The following SRGN variants were observed in gnomAD, a reference collection of about 807,000 sequenced individuals.
SRGN encodes the protein hematopoetic proteoglycan core peptide.
In SRGN, 2 loss-of-function variants were observed where a neutral mutation model predicts 9.5. That is an observed-to-expected ratio of 0.21 (90% CI 0.09 to 0.66). SRGN has a LOEUF of 0.66. Among genes scored for constraint, SRGN ranks in the 30% least tolerant of loss-of-function variants. The pLI is 0.83. For synonymous variants in SRGN, 59 were observed against 72.3 expected (o/e 0.82, Z 0.93); for missense variants, 170 against 192.4 (o/e 0.88, Z 0.69).
intron 2 of SRGN, among the ~76,000 whole-genome samples, chr10:69,102,127 C>A (rs1840305497): frequency 6.6e-6 from 1 of 152,098 alleles, no homozygotes; most frequent in South Asian, 2.1e-4. Flanking sequence ...TATCCTGTTT[C>A]TTCCTACTTC....
At chr10:69,097,261 T>G (rs368459098) in intron 2 of SRGN, 30 bp downstream of exon 2, 3 of 1,557,240 alleles carry the variant, frequency 1.9e-6, no homozygotes, top group African/African-American at 2.8e-5. Context: ...ATTAATTAAT[T>G]AATTACTTAT....
rs1375032924 is a variant in SRGN at position 69,098,477 on chromosome 10, GT to G, written c.227+1247del. Reference sequence around the variant, plus strand: ...GGTATGAGGGTTTTTTTTGGAGGAGGTGATTAAAATGTTCTTCTGCCAGGTG... The same window carrying G: ...GGTATGAGGGTTTTTTTTGGAGGAGGGATTAAAATGTTCTTCTGCCAGGTG... On this transcript the variant is annotated intron_variant, in intron 2 of 2. Transcript: ENST00000242465. The G allele has an allele frequency of 3.3e-5, 5 of 152,106 alleles. No individual in the cohort carries two copies. In the East Asian group the frequency reaches 9.6e-4, roughly 29 times the overall value. The allele number at this position is 152,106 out of a possible 1,614,324, so 9.4% of individuals were successfully genotyped here. A position where few individuals can be genotyped will look rare whatever the true frequency, so the allele number is the denominator to read the frequency against.
At position 69,088,198 on chromosome 10, in the gene SRGN, C is replaced by G; in HGVS notation, c.41C>G (p.Ala14Gly). The part of the protein sequence containing the change: ...KLLKCSRLVL[A>G]LALILVLESS... ...CTCAAATGCAGTCGGCTTGTCCTGG[C>G]TCTTGCCCTCATCCTGGTTCTGGAA... Residue 14 changes from alanine (A) to glycine (G), a missense_variant, in exon 1 of 3, where the codon GCT becomes GGT. Ala to Gly is a moderately conservative substitution (Grantham distance 60). Transcript: ENST00000242465. 2 of 1,614,192 alleles carry G rather than the reference C, an allele frequency of 1.2e-6. No individual in the cohort carries two copies. Among genetic ancestry groups the G allele is most frequent in the Non-Finnish European group, 1.7e-6 (2 of 1,180,046 alleles).
chr10:69,088,291 A>C, intron 1 of SRGN, 55 bp downstream of exon 1: 2 of 1,402,908 alleles, frequency 1.4e-6, no homozygotes, highest in Non-Finnish European at 1.0e-6. Flanking sequence ...CCTGTGGTCC[A>C]TGCAAGTCAT....
intron 1 of SRGN, among the ~76,000 whole-genome samples, chr10:69,096,253 A>T (rs1047813406): frequency 3.9e-5 from 6 of 152,168 alleles, no homozygotes; most frequent in African/African-American, 1.4e-4. Flanking sequence ...TTGGGGTCAG[A>T]TGTGGGTTGG....
At chr10:69,090,885 A>G (rs1372475678) in intron 1 of SRGN, among the ~76,000 whole-genome samples, 3 of 152,142 alleles carry the variant, frequency 2.0e-5, no homozygotes, top group Non-Finnish European at 4.4e-5. Context: ...AGGCCTGTGA[A>G]TCTTCCACTT....
chr10:69,096,300 G>A (rs1225139003), intron 1 of SRGN, among the ~76,000 whole-genome samples: 1 of 152,170 alleles, frequency 6.6e-6, no homozygotes, highest in East Asian at 1.9e-4. Context: ...TTTCTTTTGT[G>A]TAAAATTGAG....
upstream of SRGN, chr10:69,088,053 G>A (rs1839972648): frequency 1.1e-6 from 1 of 898,066 alleles, no homozygotes; most frequent in Non-Finnish European, 1.8e-6. Context: ...GTTCTGGGCA[G>A]GGTTTGAGGT....
intron 2 of SRGN, among the ~76,000 whole-genome samples, chr10:69,102,911 GCTGA>G (rs976579972): frequency 1.3e-5 from 2 of 152,048 alleles, no homozygotes; most frequent in African/African-American, 4.8e-5. Flanking sequence ...ATCTGTTTGG[GCTGA>G]CTTAGTTGTT....
At chr10:69,093,038 C>T (rs1840098517) in intron 1 of SRGN, among the ~76,000 whole-genome samples, 1 of 152,144 alleles carries the variant, frequency 6.6e-6, no homozygotes, top group Non-Finnish European at 1.5e-5. Context: ...TGGATGCTTT[C>T]TCATTAAGCA....
chr10:69,091,904 A>G (rs1185263537), intron 1 of SRGN, among the ~76,000 whole-genome samples: 7 of 90,510 alleles, frequency 7.7e-5, no homozygotes, highest in Non-Finnish European at 1.5e-4. Context: ...AAAAAAAAAA[A>G]AAAAGAAAAA....
chr10:69,102,737 G>A (rs2132161877), intron 2 of SRGN, among the ~76,000 whole-genome samples: 1 of 152,288 alleles, frequency 6.6e-6, no homozygotes, highest in Non-Finnish European at 1.5e-5. Context: ...AGCTGAATGA[G>A]TGCAAGTTGG....
At chr10:69,087,792 T>C (rs754182612), upstream of SRGN, among the ~76,000 whole-genome samples, 1 of 151,986 alleles carries the variant, frequency 6.6e-6, no homozygotes, top group African/African-American at 2.4e-5. Context: ...AGCAATCTAG[T>C]GTTTAGATTG....
intron 2 of SRGN, among the ~76,000 whole-genome samples, chr10:69,103,024 C>T (rs1169382577): frequency 5.3e-5 from 8 of 151,976 alleles, no homozygotes; most frequent in Non-Finnish European, 1.0e-4. Context: ...ACTGCAACCT[C>T]CGCCTCCTGG....
chr10:69,094,803 A>G (rs568451071), intron 1 of SRGN, among the ~76,000 whole-genome samples: 1 of 151,550 alleles, frequency 6.6e-6, no homozygotes, highest in Non-Finnish European at 1.5e-5. Flanking sequence ...GAGTCTCTCT[A>G]TGTTGCCCAG....
intron 1 of SRGN, among the ~76,000 whole-genome samples, chr10:69,088,939 C>T (rs935705757): frequency 1.3e-5 from 2 of 152,078 alleles, no homozygotes; most frequent in Non-Finnish European, 2.9e-5. Flanking sequence ...ATGACTAAGA[C>T]AATGAAAATG....
chr10:69,097,505 C>A (rs1038654376), intron 2 of SRGN, among the ~76,000 whole-genome samples: 4 of 149,076 alleles, frequency 2.7e-5, no homozygotes, highest in Admixed American at 6.8e-5. Context: ...CGGCTCACTG[C>A]AAGCTCCACC....
intron 2 of SRGN, among the ~76,000 whole-genome samples, chr10:69,101,908 G>A (rs186070423): frequency 3.3e-5 from 5 of 152,210 alleles, no homozygotes; most frequent in African/African-American, 1.2e-4. Flanking sequence ...AATTAGCCGG[G>A]CGTTGTGACT....
At chr10:69,093,210 T>C (rs2132154620) in intron 1 of SRGN, among the ~76,000 whole-genome samples, 1 of 152,332 alleles carries the variant, frequency 6.6e-6, no homozygotes, top group South Asian at 2.1e-4. Context: ...AAGGCCAAAT[T>C]GGGACAGGCT....
Sources: allele counts gnomAD v4.1 joint callset (sites outside exome capture counted in the v4.1 genomes callset), GRCh38; gene constraint gnomAD v4.1.1; transcripts MANE v1.5; gene names NCBI Gene and HGNC (gene_info 2026-07-23, HGNC 2026-07-21).